The following YPEL5 variants were observed in gnomAD, a reference collection of about 807,000 sequenced individuals.
YPEL5 encodes protein yippee-like 5.
Under a neutral mutation model 10.5 loss-of-function variants are expected in YPEL5, and 1 was observed. That is an observed-to-expected ratio of 0.10 (90% CI 0.03 to 0.45). The LOEUF (loss-of-function observed/expected upper bound fraction) is 0.45, where lower values mean the gene tolerates loss of function less well. Among genes scored for constraint, YPEL5 ranks in the 20% least tolerant of loss-of-function variants. The probability of loss-of-function intolerance (pLI) is 0.97; values close to 1 mark genes in which losing one functional copy is unlikely to be tolerated. For missense variants in YPEL5, 68 were observed against 159.3 expected (o/e 0.43, Z 3.09); for synonymous variants, 61 against 56.6 (o/e 1.08, Z -0.35).
chr2:30,150,305 A>C (rs1675723238), intron 1 of YPEL5, among the ~76,000 whole-genome samples: 1 of 152,190 alleles, frequency 6.6e-6, no homozygotes, highest in Non-Finnish European at 1.5e-5. Context: ...TTGAGCATTC[A>C]CTGTGTGCTA....
At chr2:30,156,895 A>T (rs1451677984) in intron 2 of YPEL5, 103 bp downstream of exon 2, 1 of 1,371,778 alleles carries the variant, frequency 7.3e-7, no homozygotes, top group African/African-American at 1.5e-5. Flanking sequence ...AAGAGTCAGA[A>T]TGAGAGCTTG....
chr2:30,157,683 T>A (rs1676104213), intron 2 of YPEL5, among the ~76,000 whole-genome samples: 1 of 152,198 alleles, frequency 6.6e-6, no homozygotes, highest in Non-Finnish European at 1.5e-5. Flanking sequence ...TTTCCAAGTA[T>A]TTTAGGCTAA....
chr2:30,149,624 A>G (rs890579261), intron 1 of YPEL5, among the ~76,000 whole-genome samples: 2 of 152,244 alleles, frequency 1.3e-5, no homozygotes, highest in Admixed American at 1.3e-4. Context: ...TGGCGAGGGA[A>G]GAGATTAAAA....
At chr2:30,155,609 A>G (rs190608074) in intron 1 of YPEL5, among the ~76,000 whole-genome samples, 2 of 152,366 alleles carry the variant, frequency 1.3e-5, no homozygotes, top group African/African-American at 2.4e-5. Context: ...CTATATCTAG[A>G]TCTTTAAGAA....
In YPEL5 at chr2:30,159,424, C is replaced by T. The variant is rs1676184463; in HGVS notation, c.*581C>T. ...GTCAGTCTTGGCCCAAAGATGTCAC[C>T]ATTCCTAGTTATTTGTCACCACATA... On this transcript the variant is annotated 3_prime_UTR_variant, in exon 3 of 3. Transcript: ENST00000261353. 6.5e-6 allele frequency: 1 copy of T among 152,960 alleles called. No individual in the cohort carries two copies. The highest frequency in any genetic ancestry group is 2.4e-5 in the African/African-American group (1 of 41,438). 9.5% of individuals were successfully genotyped at this position (152,960 alleles called of 1,614,324 possible). A position where few individuals can be genotyped will look rare whatever the true frequency, so the allele number is the denominator to read the frequency against.
At chr2:30,157,474 A>C (rs1035556647) in intron 2 of YPEL5, among the ~76,000 whole-genome samples, 1 of 152,154 alleles carries the variant, frequency 6.6e-6, no homozygotes, top group Non-Finnish European at 1.5e-5. Context: ...TTGACAGCGA[A>C]TAACGATCAT....
intron 1 of YPEL5, 43 bp from the exon 2 acceptor site, chr2:30,156,585 G>A (rs922227478): frequency 1.8e-5 from 28 of 1,586,912 alleles, no homozygotes; most frequent in Non-Finnish European, 2.2e-5. Flanking sequence ...GTGCTAACAT[G>A]ATTATTATAA....
chr2:30,153,108 A>AT (rs1675885149), intron 1 of YPEL5, among the ~76,000 whole-genome samples: 2 of 151,970 alleles, frequency 1.3e-5, no homozygotes, highest in South Asian at 2.1e-4. Flanking sequence ...TCACAGTGTT[A>AT]GCCAGGATGG....
At chr2:30,152,671 A>G (rs1243109626) in intron 1 of YPEL5, among the ~76,000 whole-genome samples, 2 of 152,212 alleles carry the variant, frequency 1.3e-5, no homozygotes, top group Admixed American at 1.3e-4. Context: ...GGAAAGTCAC[A>G]GTCTCTTTAA....
intron 2 of YPEL5, among the ~76,000 whole-genome samples, chr2:30,158,133 A>T (rs1263280217): frequency 6.6e-6 from 1 of 152,214 alleles, no homozygotes; most frequent in Non-Finnish European, 1.5e-5. Flanking sequence ...CTGCAGATGT[A>T]TGGTCTTTAG....
In YPEL5 at chr2:30,156,585, G is replaced by T. The variant is rs922227478; in HGVS notation, c.-24-43G>T. The T allele has an allele frequency of 2.0e-5, 31 of 1,587,030 alleles. No individual in the cohort carries two copies. The African/African-American group carries it at 3.9e-4, about 20-fold the overall frequency. ...ACACCCCCCAAGTAGGTGCTAACAT[G>T]ATTATTATAATGCATTTGTTATCCT... is the stretch of plus-strand genomic sequence containing the variant. On this transcript the variant is annotated intron_variant, in intron 1 of 2. Transcript: ENST00000261353.
At chr2:30,156,423 A>T (rs1676041601) in intron 1 of YPEL5, 2 of 478,714 alleles carry the variant, frequency 4.2e-6, no homozygotes, top group South Asian at 6.9e-5. Context: ...CTGCTTTAAA[A>T]TCTTCTTAGC....
chr2:30,150,935 A>G (rs1388285384), intron 1 of YPEL5, among the ~76,000 whole-genome samples: 1 of 152,152 alleles, frequency 6.6e-6, no homozygotes, highest in African/African-American at 2.4e-5. Flanking sequence ...AAACTTTGAC[A>G]CTCAAGTGTG....
chr2:30,150,857 C>T (rs1472266116), intron 1 of YPEL5, among the ~76,000 whole-genome samples: 2 of 152,162 alleles, frequency 1.3e-5, no homozygotes, highest in African/African-American at 4.8e-5. Flanking sequence ...TGTAGCAGCT[C>T]CTCATACCTC....
At chr2:30,153,597 G>A (rs1013874841) in intron 1 of YPEL5, among the ~76,000 whole-genome samples, 2 of 152,134 alleles carry the variant, frequency 1.3e-5, no homozygotes, top group African/African-American at 4.8e-5. Context: ...CAAAGGCCAG[G>A]GCTACCTCTT....
At chr2:30,153,373 T>G (rs889133435) in intron 1 of YPEL5, among the ~76,000 whole-genome samples, 19 of 152,208 alleles carry the variant, frequency 1.2e-4, no homozygotes, top group South Asian at 1.2e-3. Context: ...CGTCCTCACA[T>G]GGTGGAAAGG....
rs573845215 is a variant in YPEL5 at position 30,156,602 on chromosome 2, T to C, written c.-24-26T>C. 1.2e-5 allele frequency: 19 copies of C among 1,608,100 alleles called. No homozygotes were observed. The South Asian group carries it at 2.0e-4, about 17-fold the overall frequency. ...GCTAACATGATTATTATAATGCATT[T>C]GTTATCCTTTTCTATTTGCTCCTAG... On this transcript the variant is annotated intron_variant, in intron 1 of 2. Transcript: ENST00000261353.
intron 1 of YPEL5, among the ~76,000 whole-genome samples, chr2:30,148,964 G>A (rs924363873): frequency 3.3e-5 from 5 of 152,208 alleles, no homozygotes; most frequent in Non-Finnish European, 7.3e-5. Context: ...AGTAATGTCA[G>A]TGTAATGCAG....
intron 2 of YPEL5, among the ~76,000 whole-genome samples, chr2:30,158,274 A>G (rs1456106241): frequency 1.3e-5 from 2 of 152,250 alleles, no homozygotes; most frequent in East Asian, 3.8e-4. Flanking sequence ...ATCATTGAAT[A>G]ATGATGAATT....
Sources: gnomAD v4.1 joint callset for allele counts (sites outside exome capture counted in the v4.1 genomes callset) on GRCh38, gnomAD v4.1.1 for gene constraint, MANE v1.5 for transcripts, NCBI Gene and HGNC (gene_info 2026-07-23, HGNC 2026-07-21) for gene names.